Variants in FABP12 observed in about 807,000 individuals in gnomAD.
FABP12 encodes fatty acid binding protein 12.
A neutral mutation model predicts 13.7 loss-of-function variants in FABP12; 19 were observed. The ratio of observed to expected loss-of-function variants is 1.39; its 90% CI spans 0.97 to 2.04. FABP12 has a LOEUF of 2.04. Ranked by LOEUF, FABP12 falls within the 30% of genes most tolerant of loss-of-function variation. The pLI is 0.00. For synonymous variants in FABP12, 61 were observed against 57.0 expected, an observed-to-expected ratio of 1.07 and a Z score of -0.32; for missense variants, 182 against 164.2, an observed-to-expected ratio of 1.11 and a Z score of -0.59.
intron 4 of FABP12, among the ~76,000 whole-genome samples, chr8:81,525,515 CAA>C (rs201121273): frequency 8.4e-5 from 8 of 95,590 alleles, no homozygotes; most frequent in East Asian, 6.2e-4. Flanking sequence ...GACTCCGTCT[CAA>C]AAAAAAAAAA....
chr8:81,542,026 A>C lies in FABP12; in HGVS notation c.-184-2283T>G, dbSNP rs183916151. 9.9e-5 allele frequency among the ~76,000 whole-genome samples: 15 copies of C among 152,090 alleles called. No homozygotes were observed. In the East Asian group the frequency reaches 2.3e-3, roughly 23 times the overall value. ...GGCCTGGGAATAAAACTAGAAAGGT[A>C]AACAACTTCCTCTAGGGCCAGACTT... On this transcript the variant is annotated intron_variant, in intron 1 of 5. Coordinates refer to the FABP12 transcript ENST00000692030.
At chr8:81,531,021 TTTAG>T (rs1462292939) in intron 2 of FABP12, among the ~76,000 whole-genome samples, 1 of 152,210 alleles carries the variant, frequency 6.6e-6, no homozygotes, top group African/African-American at 2.4e-5. Context: ...TCACTTGCTG[TTTAG>T]TTAGTTTATG....
chr8:81,576,016 T>A (rs1292939871), intron 1 of FABP12, among the ~76,000 whole-genome samples: 2 of 152,220 alleles, frequency 1.3e-5, no homozygotes, highest in Admixed American at 1.3e-4. Context: ...GAAGCCTTTA[T>A]TTAAAAACAA....
chr8:81,558,767 G>A (rs1448089535), intron 1 of FABP12, among the ~76,000 whole-genome samples: 1 of 151,712 alleles, frequency 6.6e-6, no homozygotes, highest in Non-Finnish European at 1.5e-5. Context: ...GCACACGCCT[G>A]TAATCCCAGC....
chr8:81,554,621 T>C (rs1234866426), intron 1 of FABP12, among the ~76,000 whole-genome samples: 5 of 152,196 alleles, frequency 3.3e-5, no homozygotes, highest in Non-Finnish European at 7.4e-5. Context: ...ACTCACAGTA[T>C]AGCATCTTTA....
intron 1 of FABP12, among the ~76,000 whole-genome samples, chr8:81,566,824 G>T (rs1250497203): frequency 6.6e-6 from 1 of 152,018 alleles, no homozygotes; most frequent in African/African-American, 2.4e-5. Flanking sequence ...TCAGACGGGA[G>T]AAAGAAATAA....
intron 1 of FABP12, among the ~76,000 whole-genome samples, chr8:81,576,085 C>A (rs1810040248): frequency 6.6e-6 from 1 of 152,114 alleles, no homozygotes; most frequent in Non-Finnish European, 1.5e-5. Flanking sequence ...AATTTTCAAT[C>A]AACTAATATT....
At chr8:81,575,103 T>G (rs541869356) in intron 1 of FABP12, among the ~76,000 whole-genome samples, 1 of 152,284 alleles carries the variant, frequency 6.6e-6, no homozygotes, top group South Asian at 2.1e-4. Context: ...CTATGAACTT[T>G]CATCTTAGCA....
chr8:81,577,706 A>C (rs2556577), intron 1 of FABP12, among the ~76,000 whole-genome samples: 142,009 of 152,216 alleles, frequency 0.93, 66,408 homozygotes, highest in East Asian at 1. Context: ...GGTTGCAGTG[A>C]GCCGAGATTC....
chr8:81,577,929 C>T, intron 1 of FABP12, among the ~76,000 whole-genome samples: 1 of 152,116 alleles, frequency 6.6e-6, no homozygotes, highest in East Asian at 1.9e-4. Context: ...GAATCATAGT[C>T]CTGGATGTTG....
At chr8:81,536,775 C>G (rs1328585512), upstream of FABP12, among the ~76,000 whole-genome samples, 2 of 152,194 alleles carry the variant, frequency 1.3e-5, no homozygotes, top group East Asian at 3.8e-4. Flanking sequence ...AACTATGACC[C>G]ATATACTAAA....
In FABP12 at chr8:81,563,120, C is replaced by G. The variant is rs541683078; in HGVS notation, c.-184-23377G>C. On this transcript the variant is annotated intron_variant, in intron 1 of 5. Transcript: ENST00000692030. The stretch of plus-strand genomic sequence containing the variant: ...TTTGAGGGAAATGAAGGAGTGAAGA[C>G]CAGTCTCTGCCTGTTAATCCAGATA... 2.8e-4 allele frequency among the ~76,000 whole-genome samples: 42 copies of G among 152,300 alleles called. No homozygotes were observed. In the South Asian group the frequency reaches 8.7e-3, roughly 32 times the overall value.
intron 1 of FABP12, among the ~76,000 whole-genome samples, chr8:81,572,903 T>G (rs981238847): frequency 1.4e-5 from 2 of 143,750 alleles, no homozygotes; most frequent in African/African-American, 4.9e-5. Flanking sequence ...CTGTGGGTTG[T>G]TTGTTTGCTG....
intron 1 of FABP12, among the ~76,000 whole-genome samples, chr8:81,544,962 T>C (rs1809411563): frequency 6.6e-6 from 1 of 152,218 alleles, no homozygotes; most frequent in Admixed American, 6.5e-5. Flanking sequence ...AGAGATTTTA[T>C]GGCCAATGGC....
At chr8:81,542,480 C>T (rs1040029989) in intron 1 of FABP12, among the ~76,000 whole-genome samples, 1 of 152,100 alleles carries the variant, frequency 6.6e-6, no homozygotes, top group Non-Finnish European at 1.5e-5. Context: ...ATTGAGGCAA[C>T]CCTACAAGGA....
chr8:81,567,482 G>A (rs1114900), intron 1 of FABP12, among the ~76,000 whole-genome samples: 27,259 of 152,064 alleles, frequency 0.18, 2,814 homozygotes, highest in East Asian at 0.34. Context: ...TGGGACACAA[G>A]AGAACCCAGA....
Position 81,550,876 on chromosome 8 carries a change from CT to C in FABP12, c.-184-11134del, listed in dbSNP as rs1809513308. 2.6e-5 allele frequency among the ~76,000 whole-genome samples: 4 copies of C among 152,130 alleles called. No homozygotes were observed. In the South Asian group the frequency reaches 8.3e-4, roughly 32 times the overall value. The stretch of plus-strand genomic sequence containing the variant: ...TAACATGATTCTTTTCTCTGAAATG[CT>C]TTATAAAATGTCTGCTGTTAAATAT... On this transcript the variant is annotated intron_variant, in intron 1 of 5. Coordinates refer to the FABP12 transcript ENST00000692030.
chr8:81,561,726 G>C (rs1189853725), intron 1 of FABP12, among the ~76,000 whole-genome samples: 1 of 152,172 alleles, frequency 6.6e-6, no homozygotes, highest in African/African-American at 2.4e-5. Context: ...AACTCAGCCG[G>C]TGCCCACAGA....
intron 1 of FABP12, among the ~76,000 whole-genome samples, chr8:81,558,529 T>C (rs1488960096): frequency 1.3e-5 from 2 of 152,090 alleles, no homozygotes; most frequent in Non-Finnish European, 2.9e-5. Flanking sequence ...AAGGCAGCCA[T>C]GGCCAGGCAA....
Sources: allele counts gnomAD v4.1 joint callset (sites outside exome capture counted in the v4.1 genomes callset), GRCh38; gene constraint gnomAD v4.1.1; transcripts MANE v1.5; gene names NCBI Gene and HGNC (gene_info 2026-07-23, HGNC 2026-07-21).